PXDNL: variants seen among roughly 807,000 people sequenced by gnomAD.
The protein encoded by PXDNL is probable oxidoreductase PXDNL.
In PXDNL, 145 loss-of-function variants were observed where a neutral mutation model predicts 150.8. The ratio of observed to expected loss-of-function variants is 0.96; its 90% CI spans 0.84 to 1.10. PXDNL has a LOEUF of 1.10. Among genes scored for constraint, PXDNL ranks in the 50% least tolerant of loss-of-function variants. PXDNL has a pLI of 0.00. For synonymous variants in PXDNL, 757 were observed against 725.7 expected, an observed-to-expected ratio of 1.04 and a Z score of -0.69; for missense variants, 2,087 against 1,873.9, an observed-to-expected ratio of 1.11 and a Z score of -2.10.
chr8:51,545,153 G>A (rs938621100), intron 4 of PXDNL, among the ~76,000 whole-genome samples: 2 of 152,100 alleles, frequency 1.3e-5, no homozygotes, highest in African/African-American at 4.8e-5. Flanking sequence ...ATATTAGTAA[G>A]ACTAGTAATT....
intron 1 of PXDNL, among the ~76,000 whole-genome samples, chr8:51,805,284 T>A (rs1219985458): frequency 2.0e-5 from 3 of 150,914 alleles, no homozygotes; most frequent in African/African-American, 7.3e-5. Context: ...AAGGTAAAAG[T>A]AAGCCCTATT....
At chr8:51,504,594 C>T (rs1811248498) in intron 4 of PXDNL, among the ~76,000 whole-genome samples, 1 of 152,206 alleles carries the variant, frequency 6.6e-6, no homozygotes, top group African/African-American at 2.4e-5. Context: ...CAGCATTGTA[C>T]TGTTGCAATG....
chr8:51,561,982 C>G (rs1419900041), intron 3 of PXDNL, among the ~76,000 whole-genome samples: 1 of 151,784 alleles, frequency 6.6e-6, no homozygotes, highest in Non-Finnish European at 1.5e-5. Context: ...AAAACATTGA[C>G]AGTGATAACA....
At chr8:51,562,989 C>A (rs1303519205) in intron 3 of PXDNL, among the ~76,000 whole-genome samples, 2 of 151,834 alleles carry the variant, frequency 1.3e-5, no homozygotes, top group East Asian at 3.9e-4. Context: ...CTCTTGCAAC[C>A]CTGTGACAAG....
Position 51,319,799 on chromosome 8 carries a change from C to T in PXDNL, c.*92G>A, listed in dbSNP as rs1805261278. 7.4e-6 allele frequency: 9 copies of T among 1,213,676 alleles called. No individual in the cohort carries two copies. Among genetic ancestry groups the T allele is most frequent in the Non-Finnish European group, 8.7e-6 (8 of 918,550 alleles). The allele number at this position is 1,213,676 out of a possible 1,614,324, so 75.2% of individuals were successfully genotyped here. A position where few individuals can be genotyped will look rare whatever the true frequency, so the allele number is the denominator to read the frequency against. ...TTGCTTAAGTCAGTGGTTTCCATATCAACAATGTGACTACAAGTTAAAAGT... is the reference window on the plus strand; with the variant it reads ...TTGCTTAAGTCAGTGGTTTCCATATTAACAATGTGACTACAAGTTAAAAGT... On this transcript the variant is annotated 3_prime_UTR_variant, in exon 23 of 23. Transcript: ENST00000356297.
chr8:51,357,056 G>T (rs1054120305), intron 19 of PXDNL, among the ~76,000 whole-genome samples: 1 of 152,018 alleles, frequency 6.6e-6, no homozygotes, highest in African/African-American at 2.4e-5. Context: ...ACATAATTTG[G>T]ACACTGTCAA....
chr8:51,477,006 G>A (rs1421643396), intron 6 of PXDNL, among the ~76,000 whole-genome samples: 1 of 152,128 alleles, frequency 6.6e-6, no homozygotes, highest in Non-Finnish European at 1.5e-5. Flanking sequence ...TCACTTCATT[G>A]TATTAATTTG....
At chr8:51,564,231 A>G (rs964564571) in intron 3 of PXDNL, among the ~76,000 whole-genome samples, 1 of 152,008 alleles carries the variant, frequency 6.6e-6, no homozygotes, top group Non-Finnish European at 1.5e-5. Flanking sequence ...GACAAAAAGC[A>G]CTCAAAGTCT....
At chr8:51,735,415 G>GTT (rs1817011268) in intron 1 of PXDNL, among the ~76,000 whole-genome samples, 1 of 151,882 alleles carries the variant, frequency 6.6e-6, no homozygotes, top group Non-Finnish European at 1.5e-5. Flanking sequence ...AACCCTGAAG[G>GTT]CAGAGGTTGC....
intron 14 of PXDNL, among the ~76,000 whole-genome samples, chr8:51,418,506 C>A (rs10104348): frequency 0.81 from 123,518 of 152,158 alleles, 50,264 homozygotes; most frequent in East Asian, 0.94. Context: ...GTTTGTCTAC[C>A]CCATGACAAA....
At chr8:51,661,747 A>G (rs1054292521) in intron 1 of PXDNL, among the ~76,000 whole-genome samples, 3 of 152,104 alleles carry the variant, frequency 2.0e-5, no homozygotes, top group African/African-American at 7.2e-5. Flanking sequence ...TAGGGAGACC[A>G]CAGTGTGAGG....
At chr8:51,352,722 C>T (rs1806390274) in intron 19 of PXDNL, among the ~76,000 whole-genome samples, 1 of 152,106 alleles carries the variant, frequency 6.6e-6, no homozygotes, top group African/African-American at 2.4e-5. Context: ...TCAGGTAGTA[C>T]CTCTATAACA....
intron 20 of PXDNL, among the ~76,000 whole-genome samples, chr8:51,343,792 A>T (rs1806063269): frequency 6.6e-6 from 1 of 152,202 alleles, no homozygotes; most frequent in African/African-American, 2.4e-5. Flanking sequence ...TTCTGATGAC[A>T]CACTGGTAAA....
intron 21 of PXDNL, among the ~76,000 whole-genome samples, chr8:51,330,111 C>T (rs934150582): frequency 6.6e-6 from 1 of 152,124 alleles, no homozygotes; most frequent in Non-Finnish European, 1.5e-5. Context: ...GGATGCCCCC[C>T]TACACTGGGA....
chr8:51,530,628 C>A (rs1351669664), intron 4 of PXDNL, among the ~76,000 whole-genome samples: 1 of 152,170 alleles, frequency 6.6e-6, no homozygotes, highest in Non-Finnish European at 1.5e-5. Flanking sequence ...CCAACCAGCT[C>A]CCTGCTTTTC....
At chr8:51,397,162 A>T (rs1303046762) in intron 17 of PXDNL, among the ~76,000 whole-genome samples, 1 of 152,234 alleles carries the variant, frequency 6.6e-6, no homozygotes, top group Non-Finnish European at 1.5e-5. Context: ...CCAACTGCGG[A>T]CCATTCTTGT....
intron 4 of PXDNL, among the ~76,000 whole-genome samples, chr8:51,508,483 G>C (rs1254768985): frequency 6.6e-6 from 1 of 152,172 alleles, no homozygotes; most frequent in Non-Finnish European, 1.5e-5. Context: ...TCCCTGCCAT[G>C]TTCTTCCCTG....
chr8:51,644,337 TACAC>T lies in PXDNL; in HGVS notation c.236+10348_236+10351del, dbSNP rs371179403. Among the ~76,000 whole-genome samples the T allele has an allele frequency of 3.9e-3, 198 of 50,182 alleles. 21 individuals are homozygous for T. The highest frequency in any genetic ancestry group is 0.013 in the Middle Eastern group (1 of 78). 32.9% of individuals were successfully genotyped at this position (50,182 alleles called of 152,430 possible). ...ACATTTTTACATATATATATATATA[TACAC>T]ACACACACACACACACACACACATA... is the stretch of plus-strand genomic sequence containing the variant. On this transcript the variant is annotated intron_variant, in intron 2 of 22. Transcript: ENST00000356297.
intron 2 of PXDNL, among the ~76,000 whole-genome samples, chr8:51,653,300 C>A (rs1276153906): frequency 6.6e-6 from 1 of 152,162 alleles, no homozygotes. Context: ...CACCTGTAAT[C>A]CCAGCAACTC....
Sources: allele counts gnomAD v4.1 joint callset (sites outside exome capture counted in the v4.1 genomes callset), GRCh38; gene constraint gnomAD v4.1.1; transcripts MANE v1.5; gene names NCBI Gene and HGNC (gene_info 2026-07-23, HGNC 2026-07-21).